The following ITPK1 variants were observed in gnomAD, a reference collection of about 807,000 sequenced individuals.
ITPK1 encodes inositol 1,3,4-trisphosphate 5/6-kinase.
ITPK1 carries 21 observed loss-of-function variants against 45.3 expected under a neutral mutation model. That is an observed-to-expected ratio of 0.46 (90% CI 0.33 to 0.67). The LOEUF (loss-of-function observed/expected upper bound fraction) is 0.67, where lower values mean the gene tolerates loss of function less well. Among genes scored for constraint, ITPK1 ranks in the 30% least tolerant of loss-of-function variants. ITPK1 has a pLI of 0.02. For missense variants in ITPK1, 474 were observed against 573.5 expected, an observed-to-expected ratio of 0.83 and a Z score of 1.77; for synonymous variants, 258 against 253.6, an observed-to-expected ratio of 1.02 and a Z score of -0.16.
chr14:93,114,740 G>A (rs548153942), intron 2 of ITPK1, among the ~76,000 whole-genome samples: 4 of 152,292 alleles, frequency 2.6e-5, no homozygotes, highest in African/African-American at 9.6e-5. Flanking sequence ...ACCCCACAGC[G>A]TGGATGCCCC....
intron 3 of ITPK1, among the ~76,000 whole-genome samples, chr14:93,056,754 C>T (rs1341317990): frequency 6.6e-6 from 1 of 152,180 alleles, no homozygotes; most frequent in Admixed American, 6.5e-5. Context: ...GGAGCCCAGG[C>T]TTCAGTGCCA....
intron 8 of ITPK1, among the ~76,000 whole-genome samples, chr14:92,955,695 G>A (rs747422965): frequency 1.3e-5 from 2 of 152,254 alleles, no homozygotes; most frequent in African/African-American, 2.4e-5. Context: ...GCAGCTGACA[G>A]GCAAAGGAGA....
At chr14:93,057,644 C>G (rs1890262243) in intron 3 of ITPK1, among the ~76,000 whole-genome samples, 1 of 152,228 alleles carries the variant, frequency 6.6e-6, no homozygotes. Context: ...GAGATCCTAT[C>G]AGCTGTCAGA....
chr14:92,991,304 T>A (rs542469650), intron 5 of ITPK1, among the ~76,000 whole-genome samples: 17 of 151,874 alleles, frequency 1.1e-4, no homozygotes, highest in Non-Finnish European at 2.2e-4. Context: ...CCACTGGGGG[T>A]CAGGAAAGGG....
chr14:92,961,386 G>C (rs1885063095), intron 7 of ITPK1, among the ~76,000 whole-genome samples: 1 of 152,224 alleles, frequency 6.6e-6, no homozygotes, highest in South Asian at 2.1e-4. Context: ...CACATCCTAT[G>C]CATCTGTCTC....
chr14:93,102,131 C>T (rs573402097), intron 2 of ITPK1, among the ~76,000 whole-genome samples: 3 of 152,372 alleles, frequency 2.0e-5, no homozygotes, highest in Non-Finnish European at 2.9e-5. Flanking sequence ...CCCAAAAGAA[C>T]GAGGCACATT....
chr14:92,965,301 T>A (rs1230860042), intron 5 of ITPK1, among the ~76,000 whole-genome samples: 1 of 152,208 alleles, frequency 6.6e-6, no homozygotes, highest in Non-Finnish European at 1.5e-5. Flanking sequence ...AAAAAGCATT[T>A]GAAAAAATCT....
intron 3 of ITPK1, among the ~76,000 whole-genome samples, chr14:93,024,666 C>T (rs1337079615): frequency 1.3e-5 from 2 of 152,220 alleles, no homozygotes; most frequent in Non-Finnish European, 2.9e-5. Flanking sequence ...CTGCAGTGAG[C>T]AAATGACAGA....
intron 3 of ITPK1, among the ~76,000 whole-genome samples, chr14:93,040,641 C>G (rs1363787428): frequency 6.6e-6 from 1 of 152,198 alleles, no homozygotes; most frequent in African/African-American, 2.4e-5. Flanking sequence ...CTGGTGAGCT[C>G]CCAGCCTTCT....
intron 3 of ITPK1, among the ~76,000 whole-genome samples, chr14:93,022,166 C>T (rs61277447): frequency 0.084 from 12,829 of 152,224 alleles, 1,203 homozygotes; most frequent in African/African-American, 0.23. Context: ...TTCTGCGTTC[C>T]CAACACTGGG....
At chr14:92,987,536 G>A (rs945788044) in intron 5 of ITPK1, among the ~76,000 whole-genome samples, 4 of 152,166 alleles carry the variant, frequency 2.6e-5, no homozygotes, top group African/African-American at 9.7e-5. Flanking sequence ...CCCACAGAAG[G>A]GTCAGCCAAG....
At chr14:92,943,187 G>A (rs2139695333) in intron 10 of ITPK1, among the ~76,000 whole-genome samples, 1 of 152,364 alleles carries the variant, frequency 6.6e-6, no homozygotes, top group Non-Finnish European at 1.5e-5. Flanking sequence ...TCTTCATAAT[G>A]CTGTCCCCAG....
Position 93,016,849 on chromosome 14 carries a change from T to G in ITPK1, c.121-48A>C, listed in dbSNP as rs1888208498. 6.2e-7 allele frequency: 1 copy of G among 1,605,588 alleles called. No individual in the cohort carries two copies. Among genetic ancestry groups the G allele is most frequent in the Non-Finnish European group, 8.5e-7 (1 of 1,175,332 alleles). On this transcript the variant is annotated intron_variant, in intron 3 of 10. Transcript: ENST00000267615. The surrounding 1 kb of genome is among the most constrained non-coding windows in gnomAD (Gnocchi z 5.0). Reference sequence around the variant, plus strand: ...AAAAGCAACAACTTCAGCACCTGAGTCCACTGCCCCCATCCTCTTGTCCAC... The same window carrying G: ...AAAAGCAACAACTTCAGCACCTGAGGCCACTGCCCCCATCCTCTTGTCCAC...
At chr14:93,106,687 T>C (rs1892539179) in intron 2 of ITPK1, among the ~76,000 whole-genome samples, 1 of 152,210 alleles carries the variant, frequency 6.6e-6, no homozygotes, top group Admixed American at 6.5e-5. Context: ...GCATTTCCAG[T>C]GCATCTGAGA....
intron 3 of ITPK1, among the ~76,000 whole-genome samples, chr14:93,062,948 C>A (rs1890595717): frequency 6.6e-6 from 1 of 152,188 alleles, no homozygotes; most frequent in African/African-American, 2.4e-5. Flanking sequence ...ATTTGGTCGA[C>A]AGGAAAACTC....
At chr14:93,039,383 C>T (rs1474610708) in intron 3 of ITPK1, among the ~76,000 whole-genome samples, 1 of 152,220 alleles carries the variant, frequency 6.6e-6, no homozygotes, top group Non-Finnish European at 1.5e-5. Context: ...TGACTCACAC[C>T]TGTAATCTCA....
intron 5 of ITPK1, among the ~76,000 whole-genome samples, chr14:92,972,520 C>T (rs531554245): frequency 1.3e-5 from 2 of 152,304 alleles, no homozygotes; most frequent in African/African-American, 4.8e-5. Flanking sequence ...CAGTGCATTG[C>T]TGTTGTTTAA....
At chr14:93,031,223 A>G (rs1889036340) in intron 3 of ITPK1, among the ~76,000 whole-genome samples, 1 of 152,072 alleles carries the variant, frequency 6.6e-6, no homozygotes, top group Non-Finnish European at 1.5e-5. Context: ...AACTAAGAAG[A>G]AGGCAAGTGC....
intron 4 of ITPK1, among the ~76,000 whole-genome samples, chr14:92,994,249 C>T (rs534440445): frequency 1.3e-5 from 2 of 152,324 alleles, no homozygotes; most frequent in African/African-American, 4.8e-5. Context: ...AGGCTCAGGG[C>T]AGGCCGCCTG....
Sources: gnomAD v4.1 joint callset for allele counts (sites outside exome capture counted in the v4.1 genomes callset) on GRCh38, gnomAD v4.1.1 for gene constraint, Gnocchi (gnomAD v3.1) non-coding constraint, MANE v1.5 for transcripts, NCBI Gene and HGNC (gene_info 2026-07-23, HGNC 2026-07-21) for gene names.